GOLM1: variants seen among roughly 807,000 people sequenced by gnomAD.
GOLM1 encodes epididymis luminal protein 46.
GOLM1 carries 31 observed loss-of-function variants against 50.5 expected under a neutral mutation model. The ratio of observed to expected loss-of-function variants is 0.61; its 90% CI spans 0.46 to 0.83. The LOEUF is 0.83. GOLM1 is among the 40% of genes least tolerant of loss of function. The pLI is 0.00. For synonymous variants in GOLM1, 178 were observed against 192.8 expected, an observed-to-expected ratio of 0.92 and a Z score of 0.64; for missense variants, 491 against 501.3, an observed-to-expected ratio of 0.98 and a Z score of 0.20.
chr9:86,097,621 A>G (rs1022642021), intron 1 of GOLM1, among the ~76,000 whole-genome samples: 34 of 152,256 alleles, frequency 2.2e-4, no homozygotes, highest in African/African-American at 7.9e-4. Flanking sequence ...TCCCACCAAT[A>G]GTGCCCATCA....
chr9:86,053,556 TAC>T (rs1409744430), intron 3 of GOLM1, among the ~76,000 whole-genome samples: 12 of 374 alleles, frequency 0.032, no homozygotes, highest in African/African-American at 0.044. Context: ...AAACACACAC[TAC>T]ACACACACAC....
intron 3 of GOLM1, among the ~76,000 whole-genome samples, chr9:86,075,645 C>T (rs1039740367): frequency 5.9e-5 from 9 of 152,194 alleles, no homozygotes; most frequent in African/African-American, 2.2e-4. Flanking sequence ...AGCTAAAATC[C>T]TCCTGCAGCT....
intron 8 of GOLM1, among the ~76,000 whole-genome samples, chr9:86,033,782 G>T (rs989132731): frequency 6.6e-6 from 1 of 152,164 alleles, no homozygotes; most frequent in African/African-American, 2.4e-5. Flanking sequence ...AGGAAATGGA[G>T]CTGCCACTGT....
chr9:86,075,527 A>G (rs1368721045), intron 3 of GOLM1, among the ~76,000 whole-genome samples: 1 of 152,184 alleles, frequency 6.6e-6, no homozygotes, highest in African/African-American at 2.4e-5. Context: ...CAGTTGAGAA[A>G]ACAGATCCAG....
intron 1 of GOLM1, among the ~76,000 whole-genome samples, chr9:86,086,543 C>A (rs932868598): frequency 2.7e-5 from 4 of 150,226 alleles, no homozygotes; most frequent in African/African-American, 9.7e-5. Context: ...TGCCCATGCC[C>A]ACGTACTGCC....
Position 86,092,372 on chromosome 9 carries a change from TCTC to T in GOLM1, c.-22+7036_-22+7038del, listed in dbSNP as rs368245474. 8.1e-4 allele frequency among the ~76,000 whole-genome samples: 123 copies of T among 152,314 alleles called. No homozygotes were observed. The East Asian group carries it at 0.022, about 27-fold the overall frequency. On this transcript the variant is annotated intron_variant, in intron 1 of 9. Transcript: ENST00000388712. ...ATAGCAACCAGTCCTCCTCTTTCCT[TCTC>T]CTGACTCTGCCACCAACTAAAATAG...
At chr9:86,046,353 A>T in intron 5 of GOLM1, 117 bp downstream of exon 5, 1 of 665,856 alleles carries the variant, frequency 1.5e-6, no homozygotes, top group Non-Finnish European at 2.7e-6. Flanking sequence ...TGCCTTTCTC[A>T]GAGTCCCGCA....
chr9:86,027,139 T>G lies in GOLM1; in HGVS notation c.*678A>C. 3.0e-6 allele frequency: 3 copies of G among 985,228 alleles called. No individual in the cohort carries two copies. The highest frequency in any genetic ancestry group is 3.6e-6 in the Non-Finnish European group (3 of 829,730). 61.0% of individuals were successfully genotyped at this position (985,228 alleles called of 1,614,324 possible). A position where few individuals can be genotyped will look rare whatever the true frequency, so the allele number is the denominator to read the frequency against. On this transcript the variant is annotated 3_prime_UTR_variant, in exon 10 of 10. Transcript: ENST00000388712. ...GCAAAGTAAATAAAGACCACAAATG[T>G]TCAAATTCTAAGCCACTTAATAGCG...
upstream of GOLM1, among the ~76,000 whole-genome samples, chr9:86,099,854 G>A (rs1835483674): frequency 6.6e-6 from 1 of 152,166 alleles, no homozygotes; most frequent in African/African-American, 2.4e-5. Context: ...TGTGGGGAAA[G>A]GGTACCTGGG....
intron 9 of GOLM1, among the ~76,000 whole-genome samples, chr9:86,029,885 G>A (rs1334191778): frequency 1.3e-5 from 2 of 152,122 alleles, no homozygotes; most frequent in East Asian, 3.9e-4. Context: ...TCACCGCAAA[G>A]CCCATCATTT....
At position 86,047,916 on chromosome 9, in the gene GOLM1, A is replaced by G. The variant is rs145324029; in HGVS notation, c.365-1344T>C. On this transcript the variant is annotated intron_variant, in intron 4 of 9. Transcript: ENST00000388712. ...AATTATACTTTAAATTCTAGGGTAC[A>G]TGTGCACAACGTGCAGGTTTGTTAC... Among the ~76,000 whole-genome samples the G allele has an allele frequency of 4.9e-3, 753 of 152,294 alleles. 4 individuals are homozygous for G. Among genetic ancestry groups the G allele is most frequent in the African/African-American group, 0.017 (719 of 41,554 alleles).
chr9:86,091,832 G>A (rs944296523), intron 1 of GOLM1, among the ~76,000 whole-genome samples: 1 of 152,186 alleles, frequency 6.6e-6, no homozygotes, highest in East Asian at 1.9e-4. Context: ...TCACTTCAAG[G>A]GAAGTGTACA....
intron 5 of GOLM1, among the ~76,000 whole-genome samples, chr9:86,045,679 A>G (rs1833514823): frequency 6.6e-6 from 1 of 151,284 alleles, no homozygotes; most frequent in Non-Finnish European, 1.5e-5. Flanking sequence ...CTCAAGAAAA[A>G]AAAAAAAAAA....
chr9:86,035,502 C>G lies in GOLM1; in HGVS notation c.881G>C (p.Gly294Ala). ...PVGGRGFGGAGELGQTPQVQA... is the reference protein window; with the variant it reads ...PVGGRGFGGAAELGQTPQVQA... ...CACCTGTGGGGTCTGGCCCAGTTCT[C>G]CGGCTCCCCCGAAGCCTCTTCCACC... Residue 294 changes from glycine to alanine, a missense_variant, in exon 8 of 10, where the codon GGA becomes GCA. Transcript: ENST00000388712. 1 of 1,613,088 alleles carries G rather than the reference C, an allele frequency of 6.2e-7. No individual in the cohort carries two copies. Among genetic ancestry groups the G allele is most frequent in the Non-Finnish European group, 8.5e-7 (1 of 1,179,994 alleles).
intron 1 of GOLM1, among the ~76,000 whole-genome samples, chr9:86,084,522 G>A (rs1285144924): frequency 6.6e-6 from 1 of 152,068 alleles, no homozygotes; most frequent in Non-Finnish European, 1.5e-5. Context: ...CACTTGGCCA[G>A]CACGGTTAAA....
At chr9:86,097,256 A>T (rs948288421) in intron 1 of GOLM1, among the ~76,000 whole-genome samples, 1 of 152,184 alleles carries the variant, frequency 6.6e-6, no homozygotes, top group Non-Finnish European at 1.5e-5. Context: ...AGCAAGTGAA[A>T]TATCATTCGC....
chr9:86,083,267 T>C (rs982143541), intron 1 of GOLM1, among the ~76,000 whole-genome samples: 2 of 152,240 alleles, frequency 1.3e-5, no homozygotes, highest in East Asian at 1.9e-4. Flanking sequence ...AGATTACTTA[T>C]AATACTTAGT....
chr9:86,091,535 T>A (rs1379049922), intron 1 of GOLM1, among the ~76,000 whole-genome samples: 1 of 152,172 alleles, frequency 6.6e-6, no homozygotes, highest in Admixed American at 6.5e-5. Flanking sequence ...TTTGAACAAC[T>A]ATCTTTGTTA....
At chr9:86,037,803 G>A (rs1293021920) in intron 6 of GOLM1, among the ~76,000 whole-genome samples, 1 of 152,226 alleles carries the variant, frequency 6.6e-6, no homozygotes, top group East Asian at 1.9e-4. Flanking sequence ...GGGTGGGAGA[G>A]CCTGACCCTG....
Sources: gnomAD v4.1 joint callset for allele counts (sites outside exome capture counted in the v4.1 genomes callset) on GRCh38, gnomAD v4.1.1 for gene constraint, MANE v1.5 for transcripts, NCBI Gene and HGNC (gene_info 2026-07-23, HGNC 2026-07-21) for gene names.